Variants in ABCA13 observed in about 807,000 individuals in gnomAD.
ABCA13 encodes the protein ATP binding cassette subfamily A member 13, also known as ATP-binding cassette sub-family A member 13.
A neutral mutation model predicts 478.7 loss-of-function variants in ABCA13; 476 were observed. That is an observed-to-expected ratio of 0.99 (90% CI 0.92 to 1.07). The LOEUF (loss-of-function observed/expected upper bound fraction) is 1.07. ABCA13 is among the 50% of genes least tolerant of loss of function. The pLI is 0.00. For synonymous variants in ABCA13, 2,252 were observed against 2,158.9 expected, an observed-to-expected ratio of 1.04 and a Z score of -1.20; for missense variants, 6,060 against 5,910.6, an observed-to-expected ratio of 1.03 and a Z score of -0.83.
chr7:48,602,976 A>AT (rs1585946449), intron 58 of ABCA13, among the ~76,000 whole-genome samples: 1 of 151,880 alleles, frequency 6.6e-6, no homozygotes, highest in Non-Finnish European at 1.5e-5. Context: ...TATGAATTTT[A>AT]TTCTCTTTGT....
At chr7:48,479,322 C>T (rs985064132) in intron 45 of ABCA13, among the ~76,000 whole-genome samples, 2 of 152,092 alleles carry the variant, frequency 1.3e-5, no homozygotes, top group African/African-American at 4.8e-5. Flanking sequence ...ACTGCAACCT[C>T]CGCCTCCCAG....
intron 42 of ABCA13, among the ~76,000 whole-genome samples, chr7:48,440,524 T>C (rs781199535): frequency 2.0e-5 from 3 of 152,228 alleles, no homozygotes; most frequent in Admixed American, 6.5e-5. Context: ...ACATACACAT[T>C]ATTTCTTTTT....
intron 12 of ABCA13, 31 bp downstream of exon 12, chr7:48,245,643 AT>A (rs1791549748): frequency 6.3e-7 from 1 of 1,582,034 alleles, no homozygotes. Flanking sequence ...ATAAATAAGC[AT>A]TTTTAATAAA....
At chr7:48,474,060 ATTAT>A (rs1827816064) in intron 45 of ABCA13, among the ~76,000 whole-genome samples, 1 of 151,972 alleles carries the variant, frequency 6.6e-6, no homozygotes, top group Non-Finnish European at 1.5e-5. Context: ...TAAATACATA[ATTAT>A]TGTTTTTTTT....
In ABCA13 at chr7:48,272,516, A is replaced by G; in HGVS notation, c.2850A>G (p.Leu950=). ...EVDKILTHIH[L]NVFQDKDSAL... The stretch of plus-strand genomic sequence containing the variant: ...ATAAAATTTTGACTCACATACACCT[A>G]AATGTCTTCCAGGACAAGGATTCAG... The change falls in exon 17 of 62, where the codon CTA becomes CTG. Residue 950 remains leucine (L), a synonymous_variant. Coordinates refer to ENST00000435803, the MANE Select transcript of ABCA13 (RefSeq NM_152701.5). 6.2e-7 allele frequency: 1 copy of G among 1,613,766 alleles called. No homozygotes were observed.
chr7:48,473,879 A>G (rs1231993642), intron 45 of ABCA13, among the ~76,000 whole-genome samples: 2 of 152,136 alleles, frequency 1.3e-5, no homozygotes, highest in Non-Finnish European at 2.9e-5. Flanking sequence ...CTCTTAGACG[A>G]AAGATACACA....
At chr7:48,366,263 G>C (rs777449244) in intron 31 of ABCA13, among the ~76,000 whole-genome samples, 1 of 151,978 alleles carries the variant, frequency 6.6e-6, no homozygotes, top group South Asian at 2.1e-4. Flanking sequence ...TTTGCCTGGA[G>C]CAGTCTTCCT....
intron 41 of ABCA13, among the ~76,000 whole-genome samples, chr7:48,417,948 C>T (rs1585235270): frequency 6.6e-6 from 1 of 152,166 alleles, no homozygotes; most frequent in African/African-American, 2.4e-5. Context: ...GTAGCCTTTC[C>T]ATTTTGGCTT....
chr7:48,186,175 G>A (rs1796328321), intron 1 of ABCA13, among the ~76,000 whole-genome samples: 1 of 151,878 alleles, frequency 6.6e-6, no homozygotes, highest in African/African-American at 2.4e-5. Context: ...CTTTCAAATA[G>A]TGAGTTTAAT....
intron 59 of ABCA13, among the ~76,000 whole-genome samples, chr7:48,619,657 C>A (rs1487896219): frequency 1.3e-5 from 2 of 152,122 alleles, no homozygotes; most frequent in East Asian, 3.9e-4. Context: ...GAAAAGGTAT[C>A]AACTAGAGTG....
intron 56 of ABCA13, 74 bp from the exon 57 acceptor site, chr7:48,587,080 T>A (rs1287984763): frequency 6.3e-7 from 1 of 1,589,506 alleles, no homozygotes; most frequent in East Asian, 2.3e-5. Context: ...GAAGCAGGAA[T>A]GAGGACTGAG....
At chr7:48,448,587 A>T (rs1824591228) in intron 42 of ABCA13, among the ~76,000 whole-genome samples, 2 of 152,238 alleles carry the variant, frequency 1.3e-5, no homozygotes, top group South Asian at 4.1e-4. Flanking sequence ...TGAATTAGCC[A>T]CATAGGAATT....
At chr7:48,440,858 G>T (rs963798913) in intron 42 of ABCA13, among the ~76,000 whole-genome samples, 1 of 151,992 alleles carries the variant, frequency 6.6e-6, no homozygotes, top group Non-Finnish European at 1.5e-5. Context: ...AAAAGCTAAT[G>T]CTATATGAAA....
chr7:48,499,976 C>T (rs890921792), intron 48 of ABCA13, among the ~76,000 whole-genome samples: 1 of 152,164 alleles, frequency 6.6e-6, no homozygotes, highest in Non-Finnish European at 1.5e-5. Context: ...TCAAAGACTA[C>T]AAATGATTTT....
At chr7:48,561,641 T>G (rs1786467025) in intron 55 of ABCA13, among the ~76,000 whole-genome samples, 2 of 152,228 alleles carry the variant, frequency 1.3e-5, no homozygotes, top group African/African-American at 4.8e-5. Flanking sequence ...ATTAATAGCT[T>G]ATCAGATATA....
chr7:48,204,510 C>T (rs1193721847), intron 3 of ABCA13, among the ~76,000 whole-genome samples: 2 of 152,166 alleles, frequency 1.3e-5, no homozygotes, highest in Non-Finnish European at 2.9e-5. Context: ...CGCGCCCGGC[C>T]TATCCTTGTT....
chr7:48,328,625 A>G (rs17712690), intron 27 of ABCA13, among the ~76,000 whole-genome samples: 8,028 of 152,024 alleles, frequency 0.053, 330 homozygotes, highest in East Asian at 0.16. Context: ...ATTTTCCATC[A>G]TTCGTTTTCC....
intron 1 of ABCA13, among the ~76,000 whole-genome samples, chr7:48,179,132 G>A (rs1180340923): frequency 1.3e-5 from 2 of 151,910 alleles, no homozygotes; most frequent in Admixed American, 6.6e-5. Context: ...GCCCAGATAG[G>A]CCTGGGTTTT....
At chr7:48,489,192 G>T (rs748763993) in intron 47 of ABCA13, 44 bp from the exon 48 acceptor site, 1 of 1,467,678 alleles carries the variant, frequency 6.8e-7, no homozygotes, top group Admixed American at 1.9e-5. Flanking sequence ...ACAGACTTAC[G>T]AGCTAATTTC....
Sources: allele counts gnomAD v4.1 joint callset (sites outside exome capture counted in the v4.1 genomes callset), GRCh38; gene constraint gnomAD v4.1.1; transcripts MANE v1.5; gene names NCBI Gene and HGNC (gene_info 2026-07-23, HGNC 2026-07-21).